The following USP34 variants were observed in gnomAD, a reference collection of about 807,000 sequenced individuals.
The protein encoded by USP34 is ubiquitin specific peptidase 34.
Under a neutral mutation model 460.3 loss-of-function variants are expected in USP34, and 70 were observed. The ratio of observed to expected loss-of-function variants is 0.15; its 90% CI spans 0.13 to 0.19. USP34 has a LOEUF of 0.19. USP34 is among the 10% of genes least tolerant of loss of function. The probability of loss-of-function intolerance (pLI) is 1.00; values close to 1 mark genes in which losing one functional copy is unlikely to be tolerated. For synonymous variants in USP34, 1,647 were observed against 1,405.3 expected, an observed-to-expected ratio of 1.17 and a Z score of -3.85; for missense variants, 3,985 against 4,236.2, an observed-to-expected ratio of 0.94 and a Z score of 1.65.
intron 8 of USP34, among the ~76,000 whole-genome samples, chr2:61,371,713 A>T (rs1358355237): frequency 1.3e-5 from 2 of 152,172 alleles, no homozygotes; most frequent in African/African-American, 4.8e-5. Flanking sequence ...CTAGGCCTTC[A>T]CATCTTCTCA....
At chr2:61,320,489 C>T (rs529434252) in intron 21 of USP34, among the ~76,000 whole-genome samples, 1 of 136,992 alleles carries the variant, frequency 7.3e-6, no homozygotes, top group South Asian at 2.4e-4. Context: ...TGGCCCGGGC[C>T]AGGAATCAGT....
chr2:61,391,969 A>T (rs113670562), intron 5 of USP34, among the ~76,000 whole-genome samples: 2,236 of 152,278 alleles, frequency 0.015, 67 homozygotes, highest in African/African-American at 0.05. Context: ...AAAATATATT[A>T]ATTTAAATAG....
chr2:61,320,693 T>C (rs1228910157), intron 21 of USP34, among the ~76,000 whole-genome samples: 1 of 151,872 alleles, frequency 6.6e-6, no homozygotes, highest in East Asian at 1.9e-4. Context: ...AGGAAGACAT[T>C]GTCTTTACAA....
At chr2:61,434,316 G>C (rs1465700825) in intron 1 of USP34, among the ~76,000 whole-genome samples, 1 of 151,948 alleles carries the variant, frequency 6.6e-6, no homozygotes, top group African/African-American at 2.4e-5. Flanking sequence ...CCAGTCCTAA[G>C]AAACAGCCCA....
At position 61,257,207 on chromosome 2, in the gene USP34, T is replaced by C; in HGVS notation, c.5988A>G (p.Glu1996=). ...LITKIEEMSP[E]LKNTVKSLFG... ...TTTTCAGTATTCTGATACTAACCAG[T>C]TCGGGAGACATTTCTTCGATTTTGG... The change falls in exon 45 of 80, where the codon GAA becomes GAG. Residue 1996 remains glutamate (E), a synonymous_variant. Transcript: ENST00000398571. 1 of 1,608,572 alleles carries C rather than the reference T, an allele frequency of 6.2e-7. No individual in the cohort carries two copies. The highest frequency in any genetic ancestry group is 8.5e-7 in the Non-Finnish European group (1 of 1,177,720).
intron 48 of USP34, among the ~76,000 whole-genome samples, chr2:61,250,927 A>T (rs771971110): frequency 1.3e-5 from 2 of 152,204 alleles, no homozygotes; most frequent in Non-Finnish European, 2.9e-5. Context: ...TCATGAGGTC[A>T]GGAGATCGAG....
At chr2:61,394,703 G>A (rs879455735) in intron 5 of USP34, 150 bp downstream of exon 5, 28 of 510,828 alleles carry the variant, frequency 5.5e-5, no homozygotes, top group Non-Finnish European at 8.9e-5. Context: ...AATAAAGATC[G>A]TTAAAACGTT....
chr2:61,311,104 G>A (rs72813527), intron 27 of USP34, among the ~76,000 whole-genome samples: 23,517 of 152,120 alleles, frequency 0.15, 2,260 homozygotes, highest in South Asian at 0.37. Context: ...GCTATGGTTT[G>A]AATTTTTTTG....
At chr2:61,304,224 T>G (rs1038549889) in intron 27 of USP34, among the ~76,000 whole-genome samples, 13 of 152,216 alleles carry the variant, frequency 8.5e-5, no homozygotes, top group African/African-American at 3.1e-4. Flanking sequence ...ATTAAATGTC[T>G]AACTTGATGA....
At chr2:61,378,913 G>GAAAAAAAAAAAAAAAAAAAAAAAAAA (rs34463913) in intron 7 of USP34, among the ~76,000 whole-genome samples, 3 of 57,870 alleles carry the variant, frequency 5.2e-5, no homozygotes, top group African/African-American at 7.3e-5. Context: ...TCAAAAAAAC[G>GAAAAAAAAAAAAAAAAAAAAAAAAAA]AAAAAAAAAA....
chr2:61,460,336 C>A (rs1165195235), intron 1 of USP34, among the ~76,000 whole-genome samples: 1 of 152,118 alleles, frequency 6.6e-6, no homozygotes, highest in Non-Finnish European at 1.5e-5. Flanking sequence ...CCAGCATATC[C>A]AGGCTGCACA....
chr2:61,337,784 C>A (rs1180667088), intron 18 of USP34, among the ~76,000 whole-genome samples: 1 of 152,086 alleles, frequency 6.6e-6, no homozygotes, highest in African/African-American at 2.4e-5. Context: ...CTGCTGTTAG[C>A]ATTCTTGACT....
chr2:61,359,513 C>G (rs1448658702), intron 10 of USP34, among the ~76,000 whole-genome samples: 3 of 152,122 alleles, frequency 2.0e-5, no homozygotes, highest in African/African-American at 7.2e-5. Flanking sequence ...GGATTGTAAT[C>G]TTCATGACAT....
chr2:61,470,537 G>A (rs1695923400), intron 1 of USP34, 113 bp downstream of exon 1: 6 of 572,400 alleles, frequency 1.0e-5, no homozygotes, highest in South Asian at 2.1e-5. Context: ...AGGCCCGCAC[G>A]CCGCCCGGCC....
chr2:61,379,218 A>G (rs1046846668), intron 7 of USP34, among the ~76,000 whole-genome samples: 2 of 152,126 alleles, frequency 1.3e-5, no homozygotes, highest in African/African-American at 4.8e-5. Flanking sequence ...AAAACAAAAC[A>G]AAACAAAAAC....
intron 23 of USP34, among the ~76,000 whole-genome samples, chr2:61,315,591 T>A (rs1690719137): frequency 6.6e-6 from 1 of 151,750 alleles, no homozygotes. Context: ...GCCAGGCTGG[T>A]CTCGAACTCC....
At chr2:61,247,896 C>G (rs1019872529) in intron 49 of USP34, among the ~76,000 whole-genome samples, 1 of 152,034 alleles carries the variant, frequency 6.6e-6, no homozygotes, top group Non-Finnish European at 1.5e-5. Context: ...GAAGGATAAA[C>G]GAGCAAGAGG....
At chr2:61,322,164 A>G (rs2103702643) in intron 21 of USP34, among the ~76,000 whole-genome samples, 1 of 152,300 alleles carries the variant, frequency 6.6e-6, no homozygotes, top group Middle Eastern at 3.4e-3. Context: ...AGGGAGGTGG[A>G]GGTTGCGGTG....
At chr2:61,251,279 C>T (rs1483999612) in intron 48 of USP34, among the ~76,000 whole-genome samples, 1 of 151,474 alleles carries the variant, frequency 6.6e-6, no homozygotes, top group African/African-American at 2.4e-5. Flanking sequence ...TAAAAATTAT[C>T]TATAACTTAA....
Sources: gnomAD v4.1 joint callset for allele counts (sites outside exome capture counted in the v4.1 genomes callset) on GRCh38, gnomAD v4.1.1 for gene constraint, MANE v1.5 for transcripts, NCBI Gene and HGNC (gene_info 2026-07-23, HGNC 2026-07-21) for gene names.